RB1: variants seen among roughly 807,000 people sequenced by gnomAD.
The protein encoded by RB1 is RB transcriptional corepressor 1.
In RB1, 18 loss-of-function variants were observed where a neutral mutation model predicts 135.4. The ratio of observed to expected loss-of-function variants is 0.13; its 90% CI spans 0.09 to 0.20. The LOEUF (loss-of-function observed/expected upper bound fraction) is 0.20. RB1 is among the 10% of genes least tolerant of loss of function. The probability of loss-of-function intolerance (pLI) is 1.00; values close to 1 mark genes in which losing one functional copy is unlikely to be tolerated. For missense variants in RB1, 868 were observed against 1,110.0 expected, an observed-to-expected ratio of 0.78 and a Z score of 3.10; for synonymous variants, 365 against 373.2, an observed-to-expected ratio of 0.98 and a Z score of 0.25.
Position 48,459,722 on chromosome 13 carries a change from T to C in RB1, c.1995T>C (p.Leu665=), listed in dbSNP as rs2138335982. Residue 665 remains leucine (L), a synonymous_variant, in exon 20 of 27, where the codon CTT becomes CTC. Transcript: ENST00000267163. ...YRLAYLRLNT[L]CERLLSEHPE... ...TAGCCTATCTCCGGCTAAATACACTTTGTGAACGCCTTCTGTCTGAGCACC... is the reference window on the plus strand; with the variant it reads ...TAGCCTATCTCCGGCTAAATACACTCTGTGAACGCCTTCTGTCTGAGCACC... The C allele has an allele frequency of 6.2e-7, 1 of 1,614,068 alleles. No individual in the cohort carries two copies. Among genetic ancestry groups the C allele is most frequent in the Non-Finnish European group, 8.5e-7 (1 of 1,180,012 alleles).
In RB1 at chr13:48,303,872, G is replaced by T. The variant is rs1445311531; in HGVS notation, c.-41G>T. 2 of 1,508,654 alleles carry T rather than the reference G, an allele frequency of 1.3e-6. No individual in the cohort carries two copies. Among genetic ancestry groups the T allele is most frequent in the Non-Finnish European group, 1.8e-6 (2 of 1,136,082 alleles). The allele number at this position is 1,508,654 out of a possible 1,614,324, so 93.5% of individuals were successfully genotyped here. A position where few individuals can be genotyped will look rare whatever the true frequency, so the allele number is the denominator to read the frequency against. ...GTGCGCGCGCGTCGTCCTCCCCGGCGCTCCTCCACAGCTCGCTGGCTCCCG... is the reference window on the plus strand; with the variant it reads ...GTGCGCGCGCGTCGTCCTCCCCGGCTCTCCTCCACAGCTCGCTGGCTCCCG... On this transcript the variant is annotated 5_prime_UTR_variant, in exon 1 of 27. Coordinates refer to ENST00000267163, the MANE Select transcript of RB1 (RefSeq NM_000321.3).
At chr13:48,451,489 A>T (rs534170951) in intron 17 of RB1, among the ~76,000 whole-genome samples, 1 of 152,126 alleles carries the variant, frequency 6.6e-6, no homozygotes, top group African/African-American at 2.4e-5. Context: ...CATGGTAGAT[A>T]AGCTTTTTGG....
At chr13:48,431,915 T>A (rs1566224224) in intron 17 of RB1, among the ~76,000 whole-genome samples, 1 of 152,180 alleles carries the variant, frequency 6.6e-6, no homozygotes, top group African/African-American at 2.4e-5. Flanking sequence ...TAGCAAAATA[T>A]TTATTGAGTG....
intron 24 of RB1, among the ~76,000 whole-genome samples, chr13:48,475,039 A>G (rs899669218): frequency 5.3e-5 from 8 of 151,988 alleles, no homozygotes; most frequent in African/African-American, 1.9e-4. Flanking sequence ...ATGTCCAGCT[A>G]ATTTTTAAAT....
Position 48,377,050 on chromosome 13 carries a change from T to C in RB1, c.1332+16T>C, listed in dbSNP as rs1459810894. On this transcript the variant is annotated intron_variant, in intron 13 of 26. Coordinates refer to ENST00000267163, the MANE Select transcript of RB1 (RefSeq NM_000321.3). Reference sequence around the variant, plus strand: ...TGGATCACAGGTAACTTGAATTCATTGTAATTCGTGGTACTATAGAGTAAT... The same window carrying C: ...TGGATCACAGGTAACTTGAATTCATCGTAATTCGTGGTACTATAGAGTAAT... The C allele has an allele frequency of 1.2e-6, 2 of 1,604,630 alleles. No homozygotes were observed. The highest frequency in any genetic ancestry group is 4.5e-5 in the East Asian group (2 of 44,722).
chr13:48,339,528 A>G (rs1952422443), intron 2 of RB1, among the ~76,000 whole-genome samples: 1 of 152,152 alleles, frequency 6.6e-6, no homozygotes, highest in Admixed American at 6.5e-5. Context: ...GGAAAAGCGC[A>G]GTATTAGGGT....
In RB1 at chr13:48,360,106, A is replaced by G. The variant is rs770860809; in HGVS notation, c.697A>G (p.Met233Val). 14 of 1,612,624 alleles carry G rather than the reference A, an allele frequency of 8.7e-6. No homozygotes were observed. The highest frequency in any genetic ancestry group is 3.3e-5 in the Admixed American group (2 of 59,956). Residue 233 changes from methionine to valine, a missense_variant, in exon 7 of 27, where the codon ATG becomes GTG. By Grantham distance (21) the Met-to-Val change is conservative (BLOSUM62 1). This residue lies in a region of RB1 where 641 missense variants were observed against 791.3 expected (regional missense o/e 0.81). Transcript: ENST00000267163. ...LDYFIKLSPP[M>V]LLKEPYKTAV... ...CTATTTTATTAAACTCTCACCTCCC[A>G]TGTTGCTCAAAGAACCATATAGTAA...
intron 8 of RB1, among the ~76,000 whole-genome samples, chr13:48,364,615 C>A (rs968375624): frequency 6.6e-6 from 1 of 152,106 alleles, no homozygotes; most frequent in African/African-American, 2.4e-5. Flanking sequence ...GGTCTGTAGT[C>A]TCAGCTACTT....
intron 17 of RB1, among the ~76,000 whole-genome samples, chr13:48,425,340 C>T (rs1949064246): frequency 1.3e-5 from 2 of 152,218 alleles, no homozygotes; most frequent in African/African-American, 4.8e-5. Context: ...TCTCCATTCT[C>T]TCAAGGATGC....
chr13:48,338,663 CCTT>C (rs1952409437), intron 2 of RB1, among the ~76,000 whole-genome samples: 3 of 152,226 alleles, frequency 2.0e-5, no homozygotes, highest in South Asian at 4.1e-4. Flanking sequence ...TCATCTGAAG[CCTT>C]CTTCTTTCAA....
intron 2 of RB1, among the ~76,000 whole-genome samples, chr13:48,314,968 T>C (rs1053016467): frequency 2.0e-5 from 3 of 152,196 alleles, no homozygotes. Flanking sequence ...GTGATGCCTC[T>C]AGCTTTGGTC....
chr13:48,412,425 G>GTAAAGGCACGTCCAAT lies in RB1; in HGVS notation c.1695+30984_1695+30999dup. 2.5e-6 allele frequency: 4 copies of GTAAAGGCACGTCCAAT among 1,610,274 alleles called. No individual in the cohort carries two copies. In the South Asian group the frequency reaches 4.4e-5, roughly 18 times the overall value. ...GTGGGAGCTGTTAACGCTTACCATC[G>GTAAAGGCACGTCCAAT]TAAAGGCACGTCCAATTTTCAGTTT... On this transcript the variant is annotated intron_variant, in intron 17 of 26. Coordinates refer to ENST00000267163, the MANE Select transcript of RB1 (RefSeq NM_000321.3).
intron 2 of RB1, chr13:48,320,050 G>A (rs1360053484): frequency 3.9e-6 from 2 of 516,224 alleles, no homozygotes; most frequent in African/African-American, 3.9e-5. Context: ...CGGGCTGTGC[G>A]GCTCCACTCT....
chr13:48,364,929 T>C lies in RB1; in HGVS notation c.897T>C (p.Phe299=). ...KNVYFKNFIP[F]MNSLGLVTSN... Reference sequence around the variant, plus strand: ...TTTATTTCAAAAATTTTATACCTTTTATGAATTCTCTTGGACTTGTAACAT... The same window carrying C: ...TTTATTTCAAAAATTTTATACCTTTCATGAATTCTCTTGGACTTGTAACAT... Residue 299 remains phenylalanine (F), a synonymous_variant, in exon 9 of 27, where the codon TTT becomes TTC. Coordinates refer to ENST00000267163, the MANE Select transcript of RB1 (RefSeq NM_000321.3). 6.4e-7 allele frequency: 1 copy of C among 1,568,886 alleles called. No individual in the cohort carries two copies. The highest frequency in any genetic ancestry group is 8.7e-7 in the Non-Finnish European group (1 of 1,152,874).
At chr13:48,317,869 T>C in intron 2 of RB1, 1 of 397,694 alleles carries the variant, frequency 2.5e-6, no homozygotes, top group Non-Finnish European at 4.8e-6. Flanking sequence ...GCACAGCAAC[T>C]CTGGCCTGAA....
At chr13:48,365,063 A>T (rs1256400728) in intron 9 of RB1, 92 bp downstream of exon 9, 1 of 1,423,946 alleles carries the variant, frequency 7.0e-7, no homozygotes, top group East Asian at 2.6e-5. Context: ...TTTACTGTGT[A>T]TCACATTTTT....
At chr13:48,440,793 A>G (rs2138305240) in intron 17 of RB1, among the ~76,000 whole-genome samples, 1 of 152,338 alleles carries the variant, frequency 6.6e-6, no homozygotes, top group East Asian at 1.9e-4. Flanking sequence ...TGTATTCATA[A>G]TAAATAGAAA....
chr13:48,326,249 T>C (rs1418141894), intron 2 of RB1, among the ~76,000 whole-genome samples: 1 of 152,140 alleles, frequency 6.6e-6, no homozygotes, highest in African/African-American at 2.4e-5. Context: ...GTATCCAAAA[T>C]TATCCTCCGT....
Position 48,380,271 on chromosome 13 carries a change from T to A in RB1, c.1498+30T>A, listed in dbSNP as rs199698135. The A allele has an allele frequency of 8.6e-5, 128 of 1,483,172 alleles. 1 individual carries two copies. Among genetic ancestry groups the A allele is most frequent in the East Asian group, 2.3e-5 (1 of 43,754 alleles). 91.9% of individuals were successfully genotyped at this position (1,483,172 alleles called of 1,614,324 possible). On this transcript the variant is annotated intron_variant, in intron 16 of 26. Coordinates refer to ENST00000267163, the MANE Select transcript of RB1 (RefSeq NM_000321.3). ...GTTAAATTTTCATAAATAAACACTT[T>A]TGTTCAATTTAAAGTTAAAATGTGG... is the stretch of plus-strand genomic sequence containing the variant.
Sources: allele counts gnomAD v4.1 joint callset (sites outside exome capture counted in the v4.1 genomes callset), GRCh38; gene constraint gnomAD v4.1.1; regional missense constraint gnomAD v4.1.1; transcripts MANE v1.5; gene names NCBI Gene and HGNC (gene_info 2026-07-23, HGNC 2026-07-21).